Variants in CREBL2 observed in about 807,000 individuals in gnomAD.
CREBL2 encodes cAMP responsive element binding protein like 2.
CREBL2 carries 4 observed loss-of-function variants against 19.5 expected under a neutral mutation model. That is an observed-to-expected ratio of 0.20 (90% CI 0.10 to 0.47). The LOEUF is 0.47. Among genes scored for constraint, CREBL2 ranks in the 20% least tolerant of loss-of-function variants. The probability of loss-of-function intolerance (pLI) is 0.98; values close to 1 mark genes in which losing one functional copy is unlikely to be tolerated. For missense variants in CREBL2, 85 were observed against 145.1 expected, an observed-to-expected ratio of 0.59 and a Z score of 2.13; for synonymous variants, 42 against 46.6, an observed-to-expected ratio of 0.90 and a Z score of 0.40.
rs66943066 is a variant in CREBL2, at chr12:12,617,643, CTTTTTTTTTTTTTTTTTTTTT to C, written c.15+5474_15+5494del. 2.2e-3 allele frequency among the ~76,000 whole-genome samples: 84 copies of C among 38,766 alleles called. 2 individuals are homozygous for C. Among genetic ancestry groups the C allele is most frequent in the East Asian group, 0.017 (24 of 1,392 alleles). The allele number at this position is 38,766 out of a possible 152,430, so 25.4% of individuals were successfully genotyped here. ...CCCTGAGATGCTCATTTTAGTAATT[CTTTTTTTTTTTTTTTTTTTTT>C]TTTTTTTTTTTTTTTTTAGTATTTA... On this transcript the variant is annotated intron_variant, in intron 1 of 3. Coordinates refer to ENST00000228865, the MANE Select transcript of CREBL2 (RefSeq NM_001310.4).
At chr12:12,625,093 T>C (rs1945391483) in intron 1 of CREBL2, among the ~76,000 whole-genome samples, 1 of 152,146 alleles carries the variant, frequency 6.6e-6, no homozygotes, top group African/African-American at 2.4e-5. Context: ...GGGGGTTTTA[T>C]AGGCACAGGA....
At chr12:12,624,575 G>C (rs1423436649) in intron 1 of CREBL2, among the ~76,000 whole-genome samples, 2 of 152,242 alleles carry the variant, frequency 1.3e-5, no homozygotes, top group Non-Finnish European at 2.9e-5. Flanking sequence ...GAATCGGCCA[G>C]CTGCTTTGGT....
intron 1 of CREBL2, among the ~76,000 whole-genome samples, chr12:12,613,917 A>T (rs1419610857): frequency 9.6e-5 from 13 of 136,068 alleles, no homozygotes; most frequent in Admixed American, 3.0e-4. Context: ...TCAGCAAGTA[A>T]TTTTTTTTTT....
chr12:12,612,232 A>T, intron 1 of CREBL2, 45 bp downstream of exon 1: 1 of 1,613,086 alleles, frequency 6.2e-7, no homozygotes, highest in African/African-American at 1.3e-5. Flanking sequence ...TTGTCGCTCA[A>T]TGCTAGTCCC....
At chr12:12,620,800 G>A (rs1945353240) in intron 1 of CREBL2, among the ~76,000 whole-genome samples, 1 of 152,254 alleles carries the variant, frequency 6.6e-6, no homozygotes, top group Admixed American at 6.5e-5. Flanking sequence ...GAGTTGCAAA[G>A]ATGATTAAGA....
At chr12:12,640,596 A>AGAT (rs1232221020) in intron 3 of CREBL2, among the ~76,000 whole-genome samples, 16 of 152,320 alleles carry the variant, frequency 1.1e-4, no homozygotes, top group Non-Finnish European at 2.1e-4. Flanking sequence ...TACGAAGATA[A>AGAT]TAGGATTAAG....
At chr12:12,631,891 C>T (rs1945444669) in intron 1 of CREBL2, among the ~76,000 whole-genome samples, 4 of 151,530 alleles carry the variant, frequency 2.6e-5, no homozygotes, top group Admixed American at 2.0e-4. Flanking sequence ...TACAATAATC[C>T]TGTGTTATAC....
chr12:12,637,735 AATTTAT>A (rs1272474917), intron 3 of CREBL2, 21 bp downstream of exon 3: 13 of 1,592,832 alleles, frequency 8.2e-6, no homozygotes, highest in Non-Finnish European at 1.1e-5. Flanking sequence ...TCAATGGGAG[AATTTAT>A]ATTTAAGAGA....
At chr12:12,628,780 C>T (rs906067986) in intron 1 of CREBL2, among the ~76,000 whole-genome samples, 1 of 152,110 alleles carries the variant, frequency 6.6e-6, no homozygotes, top group South Asian at 2.1e-4. Context: ...CCGGCTTGTT[C>T]AATTTTTAAT....
intron 1 of CREBL2, among the ~76,000 whole-genome samples, chr12:12,626,691 GA>G (rs1945404393): frequency 6.6e-6 from 1 of 151,982 alleles, no homozygotes; most frequent in South Asian, 2.1e-4. Context: ...ATCACTCCAA[GA>G]AGAGACTCTT....
At chr12:12,630,096 A>G (rs934008051) in intron 1 of CREBL2, among the ~76,000 whole-genome samples, 2 of 152,114 alleles carry the variant, frequency 1.3e-5, no homozygotes, top group South Asian at 4.1e-4. Flanking sequence ...TTTGGTTTCA[A>G]GTACATATTG....
At chr12:12,639,973 A>C (rs1945505341) in intron 3 of CREBL2, among the ~76,000 whole-genome samples, 1 of 152,218 alleles carries the variant, frequency 6.6e-6, no homozygotes, top group Non-Finnish European at 1.5e-5. Flanking sequence ...TTGAGGGAAC[A>C]GGACAAGGGC....
intron 1 of CREBL2, among the ~76,000 whole-genome samples, chr12:12,619,412 C>G (rs984540089): frequency 2.6e-5 from 4 of 152,128 alleles, no homozygotes; most frequent in Non-Finnish European, 5.9e-5. Flanking sequence ...TCAAGATCAG[C>G]ATGCGCAACA....
At chr12:12,614,198 G>C (rs1411382166) in intron 1 of CREBL2, among the ~76,000 whole-genome samples, 1 of 151,780 alleles carries the variant, frequency 6.6e-6, no homozygotes, top group Non-Finnish European at 1.5e-5. Flanking sequence ...TCACCATGTT[G>C]ATCAGGCTGG....
intron 1 of CREBL2, among the ~76,000 whole-genome samples, chr12:12,616,582 T>A (rs1483786673): frequency 6.6e-6 from 1 of 152,210 alleles, no homozygotes; most frequent in Non-Finnish European, 1.5e-5. Flanking sequence ...TAAGTAATAT[T>A]TACATGTCAT....
At chr12:12,641,253 A>ATTTATT (rs1945516700) in intron 3 of CREBL2, among the ~76,000 whole-genome samples, 1 of 78,262 alleles carries the variant, frequency 1.3e-5, no homozygotes, top group Non-Finnish European at 2.5e-5. Flanking sequence ...TATTATTATT[A>ATTTATT]TTTTTTTTTA....
rs138836039 is a variant in CREBL2 at position 12,622,604 on chromosome 12, C to G, written c.15+10417C>G. 3.1e-3 allele frequency among the ~76,000 whole-genome samples: 467 copies of G among 152,292 alleles called. 3 individuals are homozygous for G. The highest frequency in any genetic ancestry group is 2.3e-3 in the Non-Finnish European group (155 of 68,028). ...GGCTAGAGATGCCTACTTGATCTTT[C>G]TCCTGTCGACTAGAAAAACTGGCAG... On this transcript the variant is annotated intron_variant, in intron 1 of 3. Coordinates refer to ENST00000228865, the MANE Select transcript of CREBL2 (RefSeq NM_001310.4).
intron 3 of CREBL2, among the ~76,000 whole-genome samples, chr12:12,639,801 C>T (rs1466304716): frequency 2.0e-5 from 3 of 152,136 alleles, no homozygotes; most frequent in South Asian, 4.1e-4. Flanking sequence ...CATCACATAT[C>T]GGTAGGACCG....
chr12:12,613,981 C>G (rs370652745), intron 1 of CREBL2, among the ~76,000 whole-genome samples: 1 of 93,376 alleles, frequency 1.1e-5, no homozygotes, highest in Non-Finnish European at 2.1e-5. Context: ...TTTCTTTTTT[C>G]TTTTTTTTCT....
Sources: gnomAD v4.1 joint callset for allele counts (sites outside exome capture counted in the v4.1 genomes callset) on GRCh38, gnomAD v4.1.1 for gene constraint, MANE v1.5 for transcripts, NCBI Gene and HGNC (gene_info 2026-07-23, HGNC 2026-07-21) for gene names.